ANK3: variants seen among roughly 807,000 people sequenced by gnomAD.
ANK3 encodes the protein ankyrin-3.
ANK3 carries 57 observed loss-of-function variants against 370.9 expected under a neutral mutation model. The observed-to-expected ratio is 0.15, with a 90% CI of 0.12 to 0.19. The LOEUF is 0.19. Among genes scored for constraint, ANK3 ranks in the 10% least tolerant of loss-of-function variants. The pLI is 1.00. For missense variants in ANK3, 4,439 were observed against 5,302.1 expected (o/e 0.84, Z 5.06); for synonymous variants, 1,929 against 1,946.3 (o/e 0.99, Z 0.23).
At chr10:60,103,108 G>A (rs926909529) in intron 28 of ANK3, among the ~76,000 whole-genome samples, 1 of 151,910 alleles carries the variant, frequency 6.6e-6, no homozygotes, top group Non-Finnish European at 1.5e-5. Flanking sequence ...ATGCCACCAC[G>A]CCCAGCTAAT....
At chr10:60,039,105 C>T (rs527425565) in intron 43 of ANK3, among the ~76,000 whole-genome samples, 75 of 152,330 alleles carry the variant, frequency 4.9e-4, no homozygotes, top group African/African-American at 1.7e-3. Context: ...AGACAGGGAC[C>T]ATGAAGCATT....
intron 1 of ANK3, among the ~76,000 whole-genome samples, chr10:60,706,642 A>G (rs181488450): frequency 4.4e-4 from 67 of 152,104 alleles, no homozygotes; most frequent in African/African-American, 1.5e-3. Flanking sequence ...TTTAACTCTT[A>G]CATCTCTCCT....
intron 2 of ANK3, among the ~76,000 whole-genome samples, chr10:60,408,190 T>G (rs2063491066): frequency 2.0e-5 from 3 of 152,258 alleles, no homozygotes; most frequent in Non-Finnish European, 2.9e-5. Flanking sequence ...GCCTGACTGC[T>G]TATGATTTCT....
intron 2 of ANK3, among the ~76,000 whole-genome samples, chr10:60,524,779 A>G (rs1277441690): frequency 6.6e-6 from 1 of 152,182 alleles, no homozygotes; most frequent in African/African-American, 2.4e-5. Flanking sequence ...ATTGGGGTCA[A>G]GTGAACTTGA....
intron 7 of ANK3, among the ~76,000 whole-genome samples, chr10:60,260,464 A>C (rs1315481734): frequency 1.3e-5 from 2 of 152,180 alleles, no homozygotes; most frequent in Non-Finnish European, 1.5e-5. Flanking sequence ...TCTTCTAAGA[A>C]GTGAGGGTTC....
chr10:60,610,851 A>G (rs1196574175), intron 2 of ANK3, among the ~76,000 whole-genome samples: 1 of 152,202 alleles, frequency 6.6e-6, no homozygotes, highest in Non-Finnish European at 1.5e-5. Context: ...CAATTGAAAA[A>G]TTAGATTTTC....
At chr10:60,642,153 G>A (rs1358951285) in intron 1 of ANK3, among the ~76,000 whole-genome samples, 5 of 150,924 alleles carry the variant, frequency 3.3e-5, no homozygotes, top group Admixed American at 2.7e-4. Flanking sequence ...AGAGGATGTG[G>A]AGAAATAGGT....
At chr10:60,107,064 A>G (rs1378056906) in intron 27 of ANK3, among the ~76,000 whole-genome samples, 3 of 152,212 alleles carry the variant, frequency 2.0e-5, no homozygotes, top group Non-Finnish European at 2.9e-5. Flanking sequence ...ATCAAATAAT[A>G]TAAATAAAAA....
intron 2 of ANK3, among the ~76,000 whole-genome samples, chr10:60,398,905 G>A (rs1057191753): frequency 3.3e-5 from 5 of 152,180 alleles, no homozygotes; most frequent in Admixed American, 2.6e-4. Context: ...CTCCCCTAGG[G>A]TGGGGAGAGG....
intron 2 of ANK3, among the ~76,000 whole-genome samples, chr10:60,598,318 T>C (rs1278056584): frequency 1.3e-5 from 2 of 152,230 alleles, no homozygotes; most frequent in Non-Finnish European, 2.9e-5. Flanking sequence ...TAAAAGTTTA[T>C]TAAAGAGACA....
intron 2 of ANK3, among the ~76,000 whole-genome samples, chr10:60,485,990 T>A (rs2075337530): frequency 6.6e-6 from 1 of 151,756 alleles, no homozygotes; most frequent in South Asian, 2.1e-4. Flanking sequence ...AGGAAACCAG[T>A]GGAACAGGAA....
intron 8 of ANK3, among the ~76,000 whole-genome samples, chr10:60,229,832 G>T (rs1443110242): frequency 6.6e-6 from 1 of 152,198 alleles, no homozygotes; most frequent in Non-Finnish European, 1.5e-5. Flanking sequence ...GCACCAGGAA[G>T]TGTGCTAAGT....
At chr10:60,552,451 TAAAGTTTTATGGATAATTAC>T (rs1421343742) in intron 2 of ANK3, among the ~76,000 whole-genome samples, 3 of 152,210 alleles carry the variant, frequency 2.0e-5, no homozygotes, top group Non-Finnish European at 2.9e-5. Context: ...TCACCGGCTT[TAAAGTTTTATGGATAATTAC>T]AAAGTACAAG....
chr10:60,240,121 CACAT>C (rs1180309697), intron 7 of ANK3, among the ~76,000 whole-genome samples: 1 of 100,454 alleles, frequency 1.0e-5, no homozygotes, highest in Non-Finnish European at 2.0e-5. Context: ...TATATATACA[CACAT>C]ATATATACAT....
intron 1 of ANK3, among the ~76,000 whole-genome samples, chr10:60,656,415 T>C (rs1453350607): frequency 1.3e-5 from 2 of 152,168 alleles, no homozygotes; most frequent in Non-Finnish European, 2.9e-5. Flanking sequence ...TCAGTCTAGT[T>C]AGAGATTCAT....
intron 2 of ANK3, among the ~76,000 whole-genome samples, chr10:60,575,033 C>T (rs745787955): frequency 5.9e-5 from 9 of 152,062 alleles, no homozygotes; most frequent in Non-Finnish European, 1.0e-4. Flanking sequence ...TAAAAATTTA[C>T]AAGTTAATTG....
intron 1 of ANK3, among the ~76,000 whole-genome samples, chr10:60,374,944 G>T (rs1369976621): frequency 6.6e-6 from 1 of 152,008 alleles, no homozygotes; most frequent in Non-Finnish European, 1.5e-5. Flanking sequence ...CAAAAAAGGA[G>T]GTACTATTAT....
intron 10 of ANK3, among the ~76,000 whole-genome samples, chr10:60,206,649 T>C (rs1245310413): frequency 6.6e-6 from 1 of 152,244 alleles, no homozygotes; most frequent in Non-Finnish European, 1.5e-5. Context: ...ATTTCTTCTC[T>C]AGCTTTATGC....
Position 60,071,564 on chromosome 10 carries a change from T to C in ANK3, c.9317A>G (p.Glu3106Gly). The change falls in exon 37 of 44, where the codon GAA (glutamate) becomes GGA (glycine). Residue 3106 changes from glutamate (E) to glycine (G), a missense_variant. Physicochemically the swap from Glu to Gly is moderately conservative, Grantham distance 98 (BLOSUM62 -2). Around this residue, in one of 13 missense-constraint regions of ANK3, gnomAD observed 1,601 missense variants for 1,731.7 expected, o/e 0.92. Coordinates refer to ENST00000280772, the MANE Select transcript of ANK3 (RefSeq NM_020987.5). ...VSFVQVGKQY[E>G]KEIQQGGVKK... ...TACACCTCCTTGTTGTATCTCCTTT[T>C]CATATTGCTTCCCCACTTGTACAAA... The C allele has an allele frequency of 6.2e-7, 1 of 1,614,122 alleles. No homozygotes were observed. The highest frequency in any genetic ancestry group is 8.5e-7 in the Non-Finnish European group (1 of 1,180,004).
Sources: gnomAD v4.1 joint callset for allele counts (sites outside exome capture counted in the v4.1 genomes callset) on GRCh38, gnomAD v4.1.1 for gene constraint, gnomAD v4.1.1 regional missense constraint, MANE v1.5 for transcripts, NCBI Gene and HGNC (gene_info 2026-07-23, HGNC 2026-07-21) for gene names.